The following DLGAP2 variants were observed in gnomAD, a reference collection of about 807,000 sequenced individuals.
DLGAP2 encodes the protein disks large-associated protein 2.
In DLGAP2, 26 loss-of-function variants were observed where a neutral mutation model predicts 100.3. That is an observed-to-expected ratio of 0.26 (90% CI 0.19 to 0.36). The LOEUF (loss-of-function observed/expected upper bound fraction) is 0.36, where lower values mean the gene tolerates loss of function less well. DLGAP2 is among the 10% of genes least tolerant of loss of function. The pLI is 1.00. For missense variants in DLGAP2, 1,858 were observed against 1,453.2 expected, an observed-to-expected ratio of 1.28 and a Z score of -4.53; for synonymous variants, 886 against 630.1, an observed-to-expected ratio of 1.41 and a Z score of -6.08.
At chr8:770,048 C>T (rs190860214) in intron 1 of DLGAP2, among the ~76,000 whole-genome samples, 278 of 152,318 alleles carry the variant, frequency 1.8e-3, no homozygotes, top group Middle Eastern at 3.4e-3. Flanking sequence ...TAAGAACTTA[C>T]ATGCATGCAT....
chr8:1,279,616 T>C (rs1032903611), intron 3 of DLGAP2, among the ~76,000 whole-genome samples: 17 of 152,206 alleles, frequency 1.1e-4, no homozygotes, highest in African/African-American at 3.9e-4. Flanking sequence ...GGTCTGGGAA[T>C]GGCGTAGCTG....
At chr8:1,341,903 C>T (rs1162604299) in intron 3 of DLGAP2, among the ~76,000 whole-genome samples, 1 of 152,144 alleles carries the variant, frequency 6.6e-6, no homozygotes, top group Non-Finnish European at 1.5e-5. Flanking sequence ...GCGGGTGAAG[C>T]AATTGAGGTC....
intron 2 of DLGAP2, among the ~76,000 whole-genome samples, chr8:1,052,593 T>C (rs951080734): frequency 3.3e-5 from 5 of 152,146 alleles, no homozygotes; most frequent in African/African-American, 1.2e-4. Context: ...GCATTTAGCT[T>C]TGGCCTCGAA....
chr8:1,627,020 G>T, intron 7 of DLGAP2, 133 bp downstream of exon 7: 1 of 1,110,168 alleles, frequency 9.0e-7, no homozygotes, highest in South Asian at 1.6e-5. Context: ...ACACCAAAGG[G>T]GGTTCCCCTG....
chr8:1,535,426 G>A (rs1266154945), intron 4 of DLGAP2, among the ~76,000 whole-genome samples: 2 of 152,218 alleles, frequency 1.3e-5, no homozygotes, highest in African/African-American at 2.4e-5. Flanking sequence ...GATGGGTCAG[G>A]AACGATGGCC....
chr8:826,864 G>C (rs7008008), intron 1 of DLGAP2, among the ~76,000 whole-genome samples: 46,485 of 152,040 alleles, frequency 0.31, 8,028 homozygotes, highest in African/African-American at 0.45. Flanking sequence ...TTAGGGGTGT[G>C]CTCATTTTCC....
intron 3 of DLGAP2, among the ~76,000 whole-genome samples, chr8:1,374,525 C>T (rs1483910066): frequency 6.6e-6 from 1 of 152,292 alleles, no homozygotes; most frequent in South Asian, 2.1e-4. Context: ...ATTTACTTAA[C>T]AAAGGGCATT....
chr8:1,355,308 G>A (rs1264444710), intron 3 of DLGAP2, among the ~76,000 whole-genome samples: 1 of 152,234 alleles, frequency 6.6e-6, no homozygotes, highest in African/African-American at 2.4e-5. Flanking sequence ...GTCTCTGGGT[G>A]GTGAGATTGT....
intron 3 of DLGAP2, among the ~76,000 whole-genome samples, chr8:1,364,818 G>A (rs556022852): frequency 6.6e-6 from 1 of 152,366 alleles, no homozygotes; most frequent in Admixed American, 6.5e-5. Flanking sequence ...TTACGTCGGA[G>A]TTGGGGAGGC....
intron 3 of DLGAP2, among the ~76,000 whole-genome samples, chr8:1,390,101 G>C (rs1223022627): frequency 6.6e-6 from 1 of 152,092 alleles, no homozygotes; most frequent in Non-Finnish European, 1.5e-5. Flanking sequence ...CAGGGCCCTG[G>C]TGGAGTATCA....
At position 1,238,475 on chromosome 8, in the gene DLGAP2, A is replaced by G. The variant is rs865987082; in HGVS notation, c.74-20376A>G. On this transcript the variant is annotated intron_variant, in intron 2 of 14. Coordinates refer to ENST00000637795, the MANE Select transcript of DLGAP2 (RefSeq NM_001346810.2). Reference sequence around the variant, plus strand: ...GCCGTGTCTAGTTCTCTCACATGGCACCATGTCTGCTTCTCTCACATGGCG... The same window carrying G: ...GCCGTGTCTAGTTCTCTCACATGGCGCCATGTCTGCTTCTCTCACATGGCG... 4.2e-4 allele frequency among the ~76,000 whole-genome samples: 47 copies of G among 111,778 alleles called. 1 individual carries two copies. The highest frequency in any genetic ancestry group is 1.4e-3 in the African/African-American group (44 of 30,412). 73.3% of individuals were successfully genotyped at this position (111,778 alleles called of 152,430 possible).
At chr8:1,437,798 T>C (rs1332190320) in intron 3 of DLGAP2, among the ~76,000 whole-genome samples, 1 of 123,488 alleles carries the variant, frequency 8.1e-6, no homozygotes, top group Non-Finnish European at 1.6e-5. Flanking sequence ...TGAAACCCCG[T>C]CTCTACTAAA....
chr8:878,903 C>G (rs913903969), intron 1 of DLGAP2, among the ~76,000 whole-genome samples: 9 of 152,170 alleles, frequency 5.9e-5, no homozygotes, highest in African/African-American at 2.2e-4. Context: ...AATACCTCTT[C>G]TCTTTGCAGA....
At chr8:1,345,315 G>A (rs918759749) in intron 3 of DLGAP2, among the ~76,000 whole-genome samples, 4 of 152,158 alleles carry the variant, frequency 2.6e-5, no homozygotes, top group Admixed American at 6.5e-5. Flanking sequence ...CAGAGTGTGC[G>A]GTTGTTCTGT....
intron 2 of DLGAP2, among the ~76,000 whole-genome samples, chr8:1,075,979 T>A (rs1272346419): frequency 6.6e-6 from 1 of 152,086 alleles, no homozygotes; most frequent in Non-Finnish European, 1.5e-5. Flanking sequence ...TTAATAGTTA[T>A]TCTATGGGGT....
chr8:1,193,752 G>A (rs1027998890), intron 2 of DLGAP2, among the ~76,000 whole-genome samples: 7 of 151,994 alleles, frequency 4.6e-5, no homozygotes, highest in African/African-American at 1.7e-4. Context: ...GGGGTCCTGT[G>A]GAGCAGATCC....
In DLGAP2 at chr8:1,018,040, C is replaced by T. The variant is rs200135519; in HGVS notation, c.73+110074C>T. On this transcript the variant is annotated intron_variant, in intron 2 of 14. Coordinates refer to ENST00000637795, the MANE Select transcript of DLGAP2 (RefSeq NM_001346810.2). ...TGTGGAAAGCGCTCACTGACCCCTG[C>T]CCCTACAGGCCCTCCGTCCTCAGCT... Among the ~76,000 whole-genome samples the T allele has an allele frequency of 1.1e-4, 17 of 152,238 alleles. No homozygotes were observed. The East Asian group carries it at 3.3e-3, about 30-fold the overall frequency.
At chr8:1,600,935 T>G (rs930656252) in intron 6 of DLGAP2, among the ~76,000 whole-genome samples, 1 of 152,230 alleles carries the variant, frequency 6.6e-6, no homozygotes, top group African/African-American at 2.4e-5. Flanking sequence ...TGTGATCGTT[T>G]GGAGGAGAAG....
intron 1 of DLGAP2, among the ~76,000 whole-genome samples, chr8:767,310 G>T (rs1212448282): frequency 6.6e-6 from 1 of 151,008 alleles, no homozygotes; most frequent in Non-Finnish European, 1.5e-5. Flanking sequence ...ATGCCCAAAG[G>T]CACAGGTACA....
Sources: allele counts gnomAD v4.1 joint callset (sites outside exome capture counted in the v4.1 genomes callset), GRCh38; gene constraint gnomAD v4.1.1; transcripts MANE v1.5; gene names NCBI Gene and HGNC (gene_info 2026-07-23, HGNC 2026-07-21).